PCSK5: variants seen among roughly 807,000 people sequenced by gnomAD.
PCSK5 encodes the protein proprotein convertase subtilisin/kexin type 5, also known as prohormone convertase 5.
PCSK5 carries 129 observed loss-of-function variants against 233.2 expected under a neutral mutation model. The observed-to-expected ratio is 0.55, with a 90% CI of 0.48 to 0.64. PCSK5 has a LOEUF of 0.64. PCSK5 is among the 30% of genes least tolerant of loss of function. The pLI, the probability that PCSK5 is intolerant of heterozygous loss-of-function variation, is 0.00. For missense variants in PCSK5, 2,076 were observed against 2,430.1 expected (o/e 0.85, Z 3.06); for synonymous variants, 825 against 879.2 (o/e 0.94, Z 1.09).
At chr9:76,213,249 G>A (rs1825397418) in intron 20 of PCSK5, among the ~76,000 whole-genome samples, 1 of 152,182 alleles carries the variant, frequency 6.6e-6, no homozygotes, top group Non-Finnish European at 1.5e-5. Context: ...TTTCATGGGA[G>A]GCCAGATTTA....
At chr9:75,989,909 G>A (rs1173560637) in intron 3 of PCSK5, among the ~76,000 whole-genome samples, 1 of 152,046 alleles carries the variant, frequency 6.6e-6, no homozygotes, top group Admixed American at 6.6e-5. Context: ...AAGGAGTGTC[G>A]GGAGCCATCT....
At chr9:76,000,484 C>T (rs764331214) in intron 3 of PCSK5, among the ~76,000 whole-genome samples, 1 of 152,118 alleles carries the variant, frequency 6.6e-6, no homozygotes, top group African/African-American at 2.4e-5. Context: ...GATAATGACA[C>T]TCATTCTGTT....
rs1460338319 is a variant in PCSK5 at position 76,227,488 on chromosome 9, G to C, written c.2627-15G>C. ...CATGTAGAAATGAAATAAACAACTAGATTTTGTTCCCCAGGAGAATATGTT... is the reference window on the plus strand; with the variant it reads ...CATGTAGAAATGAAATAAACAACTACATTTTGTTCCCCAGGAGAATATGTT... On this transcript the variant is annotated splice_polypyrimidine_tract_variant and intron_variant, in intron 20 of 37. Transcript: ENST00000674117. 6.3e-7 allele frequency: 1 copy of C among 1,581,154 alleles called. No homozygotes were observed. Among genetic ancestry groups the C allele is most frequent in the Non-Finnish European group, 8.7e-7 (1 of 1,153,672 alleles).
intron 1 of PCSK5, among the ~76,000 whole-genome samples, chr9:75,913,939 A>G (rs1822868079): frequency 1.3e-5 from 2 of 152,238 alleles, no homozygotes; most frequent in South Asian, 4.1e-4. Context: ...CTGAAACCCT[A>G]TGTTATTCCT....
intron 35 of PCSK5, among the ~76,000 whole-genome samples, chr9:76,339,203 C>T (rs955793757): frequency 2.0e-5 from 3 of 151,930 alleles, no homozygotes; most frequent in Admixed American, 6.6e-5. Context: ...TATATGAGCA[C>T]CATGAATGCT....
At chr9:76,202,939 CTG>C (rs1194133382) in intron 20 of PCSK5, among the ~76,000 whole-genome samples, 1 of 151,844 alleles carries the variant, frequency 6.6e-6, no homozygotes, top group African/African-American at 2.4e-5. Flanking sequence ...TGCTTGATAA[CTG>C]TTATGGATAG....
chr9:76,195,783 G>GTTGT (rs1285684063), intron 20 of PCSK5: 5 of 152,076 alleles, frequency 3.3e-5, no homozygotes. Flanking sequence ...AAAATGTTCA[G>GTTGT]TTGTTTTTTT....
chr9:75,934,368 G>A (rs1039506901), intron 2 of PCSK5, among the ~76,000 whole-genome samples: 1 of 152,050 alleles, frequency 6.6e-6, no homozygotes, highest in African/African-American at 2.4e-5. Flanking sequence ...CCACACTTTC[G>A]GATCTTTCTT....
At chr9:75,928,619 A>G (rs968855989) in intron 1 of PCSK5, among the ~76,000 whole-genome samples, 12 of 112,190 alleles carry the variant, frequency 1.1e-4, no homozygotes, top group African/African-American at 4.8e-4. Flanking sequence ...ATATATATAT[A>G]TATATATATA....
chr9:75,948,296 C>T (rs1218621823), intron 2 of PCSK5, among the ~76,000 whole-genome samples: 6 of 150,790 alleles, frequency 4.0e-5, no homozygotes, highest in Non-Finnish European at 8.9e-5. Flanking sequence ...TCCCCTAATG[C>T]TATCCCTCCC....
At chr9:75,935,336 G>A (rs1408148030) in intron 2 of PCSK5, among the ~76,000 whole-genome samples, 1 of 152,140 alleles carries the variant, frequency 6.6e-6, no homozygotes, top group Non-Finnish European at 1.5e-5. Flanking sequence ...CAGAGTGCTG[G>A]GATTACAGGC....
chr9:76,243,264 C>T (rs1289949722), intron 24 of PCSK5, among the ~76,000 whole-genome samples: 1 of 152,196 alleles, frequency 6.6e-6, no homozygotes, highest in African/African-American at 2.4e-5. Context: ...CTACTGTGTG[C>T]TGAGTGCTCG....
At chr9:76,257,771 G>T (rs1827031072) in intron 24 of PCSK5, among the ~76,000 whole-genome samples, 1 of 152,188 alleles carries the variant, frequency 6.6e-6, no homozygotes, top group Non-Finnish European at 1.5e-5. Context: ...AAGGCAAGGG[G>T]TATCCAGGCT....
intron 16 of PCSK5, among the ~76,000 whole-genome samples, chr9:76,184,195 A>T (rs2131224507): frequency 6.6e-6 from 1 of 152,322 alleles, no homozygotes; most frequent in Non-Finnish European, 1.5e-5. Flanking sequence ...TCTTAAATGT[A>T]GATTCCCTTC....
At chr9:76,056,335 CAAAT>C (rs1809326671) in intron 5 of PCSK5, among the ~76,000 whole-genome samples, 1 of 152,054 alleles carries the variant, frequency 6.6e-6, no homozygotes, top group Non-Finnish European at 1.5e-5. Context: ...GATGAAACCT[CAAAT>C]AAGTTAATGT....
intron 2 of PCSK5, among the ~76,000 whole-genome samples, chr9:75,940,616 G>C (rs964121218): frequency 6.6e-6 from 1 of 152,220 alleles, no homozygotes. Context: ...ATTTTCAGGT[G>C]CCTGGGGTTT....
chr9:76,104,655 T>G (rs903147658), intron 8 of PCSK5, among the ~76,000 whole-genome samples: 11 of 152,224 alleles, frequency 7.2e-5, no homozygotes, highest in African/African-American at 2.7e-4. Flanking sequence ...GATGGTTATT[T>G]ATTAGACTCA....
intron 9 of PCSK5, among the ~76,000 whole-genome samples, chr9:76,123,350 G>A (rs1326273797): frequency 6.6e-6 from 1 of 152,038 alleles, no homozygotes; most frequent in African/African-American, 2.4e-5. Context: ...AAAAATCTAT[G>A]TCTATTATTT....
intron 9 of PCSK5, among the ~76,000 whole-genome samples, chr9:76,121,850 G>C (rs1444200560): frequency 2.9e-5 from 1 of 34,428 alleles, no homozygotes; most frequent in Non-Finnish European, 7.0e-5. Flanking sequence ...TTGAGACGGA[G>C]TCTCGCTCTG....
Sources: allele counts gnomAD v4.1 joint callset (sites outside exome capture counted in the v4.1 genomes callset), GRCh38; gene constraint gnomAD v4.1.1; transcripts MANE v1.5; gene names NCBI Gene and HGNC (gene_info 2026-07-23, HGNC 2026-07-21).